The following DLGAP2 variants were observed in gnomAD, a reference collection of about 807,000 sequenced individuals.
The protein encoded by DLGAP2 is DLG associated protein 2, also known as disks large-associated protein 2.
A neutral mutation model predicts 100.3 loss-of-function variants in DLGAP2; 26 were observed. That is an observed-to-expected ratio of 0.26 (90% CI 0.19 to 0.36). The LOEUF is 0.36. Ranked by LOEUF, DLGAP2 falls within the 10% of genes least tolerant of loss-of-function variation. DLGAP2 has a pLI of 1.00. For synonymous variants in DLGAP2, 886 were observed against 630.1 expected, an observed-to-expected ratio of 1.41 and a Z score of -6.08; for missense variants, 1,858 against 1,453.2, an observed-to-expected ratio of 1.28 and a Z score of -4.53.
At chr8:1,106,958 C>T (rs564854967) in intron 2 of DLGAP2, among the ~76,000 whole-genome samples, 1 of 152,002 alleles carries the variant, frequency 6.6e-6, no homozygotes, top group African/African-American at 2.4e-5. Context: ...GACGTATTTT[C>T]TTCTGGGAAG....
chr8:796,164 C>T (rs1796032660), intron 1 of DLGAP2, among the ~76,000 whole-genome samples: 1 of 152,142 alleles, frequency 6.6e-6, no homozygotes, highest in African/African-American at 2.4e-5. Context: ...AGCAGGTGTC[C>T]AGTGAGAACA....
intron 2 of DLGAP2, among the ~76,000 whole-genome samples, chr8:1,089,780 A>G (rs184152619): frequency 3.3e-5 from 5 of 152,352 alleles, no homozygotes; most frequent in Admixed American, 1.3e-4. Flanking sequence ...ACATTCCTAC[A>G]ACATATCCAT....
intron 1 of DLGAP2, among the ~76,000 whole-genome samples, chr8:906,943 A>G (rs893728057): frequency 2.0e-4 from 30 of 152,280 alleles, no homozygotes; most frequent in South Asian, 4.1e-4. Flanking sequence ...TTTTTTCAAT[A>G]TAGAAGAATT....
intron 2 of DLGAP2, among the ~76,000 whole-genome samples, chr8:1,193,569 C>G (rs73539299): frequency 0.041 from 6,194 of 152,262 alleles, 417 homozygotes; most frequent in African/African-American, 0.14. Context: ...TTGTTTAAAG[C>G]TGGATATACG....
At chr8:1,493,591 C>T (rs74953455) in intron 3 of DLGAP2, among the ~76,000 whole-genome samples, 6,726 of 152,288 alleles carry the variant, frequency 0.044, 442 homozygotes, top group African/African-American at 0.15. Flanking sequence ...AGATTCTGAA[C>T]GTTGGTTTAA....
At chr8:1,689,781 G>A (rs1799210371) in intron 12 of DLGAP2, among the ~76,000 whole-genome samples, 1 of 152,220 alleles carries the variant, frequency 6.6e-6, no homozygotes, top group South Asian at 2.1e-4. Context: ...ACTGAGAGGT[G>A]ATGAGATGCG....
Position 1,437,595 on chromosome 8 carries a change from T to C in DLGAP2, c.107-63771T>C, listed in dbSNP as rs149460809. Among the ~76,000 whole-genome samples, 8 of 152,276 alleles carry C rather than the reference T, an allele frequency of 5.3e-5. No homozygotes were observed. In the East Asian group the frequency reaches 1.5e-3, roughly 29 times the overall value. ...TATCTGAGTGGTGAATTAATTCCTTTTGTGATTCCTAATTGTGTGAGGAAA... is the reference window on the plus strand; with the variant it reads ...TATCTGAGTGGTGAATTAATTCCTTCTGTGATTCCTAATTGTGTGAGGAAA... On this transcript the variant is annotated intron_variant, in intron 3 of 14. Transcript: ENST00000637795.
At chr8:1,105,963 G>T (rs1804750155) in intron 2 of DLGAP2, among the ~76,000 whole-genome samples, 2 of 150,836 alleles carry the variant, frequency 1.3e-5, no homozygotes, top group South Asian at 2.1e-4. Context: ...AACCATTCTA[G>T]GAGGGTTTTC....
In DLGAP2 at chr8:1,566,353, A is replaced by G. The variant is rs147174610; in HGVS notation, c.1442+459A>G. Among the ~76,000 whole-genome samples, 32 of 152,362 alleles carry G rather than the reference A, an allele frequency of 2.1e-4. No homozygotes were observed. The East Asian group carries it at 6.0e-3, about 28-fold the overall frequency. ...AGGAGGGAGGAAATGGACTAGCTTT[A>G]TAAATATAATACCCTACACTTTACA... On this transcript the variant is annotated intron_variant, in intron 6 of 14. Transcript: ENST00000637795.
chr8:819,050 A>G (rs1183142397), intron 1 of DLGAP2, among the ~76,000 whole-genome samples: 1 of 152,240 alleles, frequency 6.6e-6, no homozygotes, highest in Non-Finnish European at 1.5e-5. Context: ...TCAGACTAAT[A>G]AGCATCAGTC....
intron 4 of DLGAP2, among the ~76,000 whole-genome samples, chr8:1,509,914 A>C (rs1056477478): frequency 1.3e-5 from 2 of 152,322 alleles, no homozygotes; most frequent in East Asian, 1.9e-4. Flanking sequence ...AGGAGGTTTC[A>C]GGAGTGCAGC....
intron 2 of DLGAP2, among the ~76,000 whole-genome samples, chr8:945,262 C>T (rs1459410198): frequency 6.6e-6 from 1 of 152,186 alleles, no homozygotes; most frequent in East Asian, 1.9e-4. Flanking sequence ...CTTCCCTGCA[C>T]TCCTGTCTAT....
chr8:1,481,471 CTTT>C (rs1165790168), intron 3 of DLGAP2, among the ~76,000 whole-genome samples: 1 of 43,668 alleles, frequency 2.3e-5, no homozygotes, highest in African/African-American at 6.9e-5. Context: ...TTTTCTTTTT[CTTT>C]TTTTTTTTTT....
chr8:851,806 C>T lies in DLGAP2; in HGVS notation c.19-56106C>T, dbSNP rs959350801. On this transcript the variant is annotated intron_variant, in intron 1 of 14. Transcript: ENST00000637795. Reference sequence around the variant, plus strand: ...CCTGCTAGATGCCAGGAACCACACTCGGAGCTGGGAAGCAGTGACTGTTCC... The same window carrying T: ...CCTGCTAGATGCCAGGAACCACACTTGGAGCTGGGAAGCAGTGACTGTTCC... 1.6e-4 allele frequency among the ~76,000 whole-genome samples: 24 copies of T among 152,316 alleles called. No individual in the cohort carries two copies. In the East Asian group the frequency reaches 3.3e-3, roughly 21 times the overall value.
chr8:831,251 A>G (rs1796777428), intron 1 of DLGAP2, among the ~76,000 whole-genome samples: 1 of 143,152 alleles, frequency 7.0e-6, no homozygotes, highest in South Asian at 2.2e-4. Context: ...TCTAGGATGC[A>G]TGTGCACAAC....
chr8:1,171,870 T>G (rs1454725221), intron 2 of DLGAP2, among the ~76,000 whole-genome samples: 2 of 152,198 alleles, frequency 1.3e-5, no homozygotes, highest in African/African-American at 4.8e-5. Flanking sequence ...ATTGGAGCAT[T>G]TAGTCCATGT....
chr8:1,465,332 G>A (rs764725242), intron 3 of DLGAP2, among the ~76,000 whole-genome samples: 20 of 151,492 alleles, frequency 1.3e-4, no homozygotes, highest in Admixed American at 4.6e-4. Context: ...TGAGCAGAGC[G>A]AAGGGAAGAG....
At chr8:1,450,316 A>G (rs1253007509) in intron 3 of DLGAP2, among the ~76,000 whole-genome samples, 2 of 57,426 alleles carry the variant, frequency 3.5e-5, no homozygotes, top group South Asian at 9.3e-4. Flanking sequence ...TCGGTGGCTG[A>G]GGCGGAGCTG....
chr8:1,172,214 C>T (rs1484741125), intron 2 of DLGAP2, among the ~76,000 whole-genome samples: 1 of 152,138 alleles, frequency 6.6e-6, no homozygotes, highest in African/African-American at 2.4e-5. Context: ...TATTGGCCCC[C>T]ACTCTCTTCT....
Sources: gnomAD v4.1 joint callset for allele counts (sites outside exome capture counted in the v4.1 genomes callset) on GRCh38, gnomAD v4.1.1 for gene constraint, MANE v1.5 for transcripts, NCBI Gene and HGNC (gene_info 2026-07-23, HGNC 2026-07-21) for gene names.